Variants in ANKS1B observed in about 807,000 individuals in gnomAD.
ANKS1B encodes ankyrin repeat and sterile alpha motif domain-containing protein 1B.
ANKS1B carries 36 observed loss-of-function variants against 148.3 expected under a neutral mutation model. The ratio of observed to expected loss-of-function variants is 0.24; its 90% CI spans 0.19 to 0.32. The LOEUF (loss-of-function observed/expected upper bound fraction) is 0.32, where lower values mean the gene tolerates loss of function less well. Ranked by LOEUF, ANKS1B falls within the 10% of genes least tolerant of loss-of-function variation. The pLI is 1.00. For missense variants in ANKS1B, 1,157 were observed against 1,542.6 expected, an observed-to-expected ratio of 0.75 and a Z score of 4.19; for synonymous variants, 542 against 560.8, an observed-to-expected ratio of 0.97 and a Z score of 0.47.
intron 12 of ANKS1B, among the ~76,000 whole-genome samples, chr12:99,279,385 G>A (rs1416229636): frequency 6.6e-6 from 1 of 152,092 alleles, no homozygotes; most frequent in African/African-American, 2.4e-5. Flanking sequence ...TTAGAGAATT[G>A]TACAGCCACT....
chr12:99,366,579 G>T (rs1313304060), intron 12 of ANKS1B, among the ~76,000 whole-genome samples: 2 of 152,220 alleles, frequency 1.3e-5, no homozygotes, highest in Non-Finnish European at 2.9e-5. Context: ...GACAAAGTTG[G>T]CATCTCAAAT....
chr12:99,680,509 T>C (rs886457210), intron 8 of ANKS1B, among the ~76,000 whole-genome samples: 5 of 151,760 alleles, frequency 3.3e-5, no homozygotes, highest in Non-Finnish European at 7.4e-5. Flanking sequence ...TCTGACTTTA[T>C]CTCACAGGGG....
chr12:99,921,440 G>A (rs2094349591), intron 1 of ANKS1B, among the ~76,000 whole-genome samples: 2 of 152,054 alleles, frequency 1.3e-5, no homozygotes, highest in Admixed American at 6.6e-5. Context: ...CAGTCTCAGG[G>A]AAGTTATTTA....
At chr12:98,812,698 C>T (rs774492170) in intron 19 of ANKS1B, among the ~76,000 whole-genome samples, 2 of 151,956 alleles carry the variant, frequency 1.3e-5, no homozygotes, top group Non-Finnish European at 2.9e-5. Context: ...CTCAGCCACT[C>T]GAGAAGCTGG....
rs58248573 is a variant in ANKS1B at position 99,805,263 on chromosome 12, C to CAAAAAAAAAAAAAAAAAAAA, written c.669+1121_669+1140dup. Among the ~76,000 whole-genome samples, 13 of 28,914 alleles carry CAAAAAAAAAAAAAAAAAAAA rather than the reference C, an allele frequency of 4.5e-4. 1 individual carries two copies. Among genetic ancestry groups the CAAAAAAAAAAAAAAAAAAAA allele is most frequent in the Admixed American group, 5.9e-4 (1 of 1,682 alleles). 19.0% of individuals were successfully genotyped at this position (28,914 alleles called of 152,430 possible). A position where few individuals can be genotyped will look rare whatever the true frequency, so the allele number is the denominator to read the frequency against. On this transcript the variant is annotated intron_variant, in intron 4 of 26. Coordinates refer to ENST00000683438, the MANE Select transcript of ANKS1B (RefSeq NM_001352186.2). The stretch of plus-strand genomic sequence containing the variant: ...AAATAACCATGAAAGGAGGAAAAGG[C>CAAAAAAAAAAAAAAAAAAAA]AAAAAAAAAAAAAAAAAAAAAAAAA...
chr12:99,160,862 A>G (rs761669758), intron 14 of ANKS1B, among the ~76,000 whole-genome samples: 70 of 152,020 alleles, frequency 4.6e-4, no homozygotes, highest in Non-Finnish European at 7.8e-4. Flanking sequence ...GTGCGGCTTT[A>G]TATCTGGGTC....
intron 17 of ANKS1B, among the ~76,000 whole-genome samples, chr12:98,901,489 A>G (rs2099771963): frequency 6.6e-6 from 1 of 152,250 alleles, no homozygotes; most frequent in African/African-American, 2.4e-5. Context: ...CTTTTCAACC[A>G]TGTGAGTAAG....
chr12:99,770,689 C>A (rs563325154), intron 8 of ANKS1B, among the ~76,000 whole-genome samples: 40 of 151,660 alleles, frequency 2.6e-4, no homozygotes, highest in South Asian at 6.3e-4. Context: ...AAAAAAAAAA[C>A]CAAAATTCTT....
intron 1 of ANKS1B, among the ~76,000 whole-genome samples, chr12:99,859,520 T>G (rs1308056330): frequency 6.6e-6 from 1 of 152,248 alleles, no homozygotes; most frequent in Non-Finnish European, 1.5e-5. Flanking sequence ...AGTGTCTGAA[T>G]ATTCACTACA....
chr12:99,552,309 G>A (rs545363552), intron 9 of ANKS1B, among the ~76,000 whole-genome samples: 1 of 152,148 alleles, frequency 6.6e-6, no homozygotes, highest in Admixed American at 6.5e-5. Flanking sequence ...TGTCTATCAT[G>A]GTGTCTGGCA....
rs1468714451 is a variant in ANKS1B at position 99,246,466 on chromosome 12, T to C, written c.2155A>G (p.Ile719Val). Residue 719 changes from isoleucine to valine, a missense_variant, in exon 13 of 27, where the codon ATA (isoleucine) becomes GTA (valine). Physicochemically the swap from Ile to Val is conservative, Grantham distance 29. Coordinates refer to ENST00000683438, the MANE Select transcript of ANKS1B (RefSeq NM_001352186.2). ...ATCAAGGCTTTAGGCAATGACCTTA[T>C]TCTCCCCAGAGTACAGGCTCTCTCC... Reference protein sequence around the residue: ...FVERACTLGRIRSLPKALIDM... With the variant: ...FVERACTLGRVRSLPKALIDM... 1.2e-5 allele frequency: 19 copies of C among 1,613,784 alleles called. No individual in the cohort carries two copies. Among genetic ancestry groups the C allele is most frequent in the Non-Finnish European group, 1.5e-5 (18 of 1,179,864 alleles).
At chr12:99,926,278 T>C (rs184808780) in intron 1 of ANKS1B, among the ~76,000 whole-genome samples, 3 of 152,352 alleles carry the variant, frequency 2.0e-5, no homozygotes, top group Admixed American at 2.0e-4. Flanking sequence ...CTTGCGAAGG[T>C]TAATTTTATC....
intron 11 of ANKS1B, among the ~76,000 whole-genome samples, chr12:99,415,154 T>C (rs558499593): frequency 6.6e-6 from 1 of 152,304 alleles, no homozygotes; most frequent in East Asian, 1.9e-4. Flanking sequence ...TTTGTCCTCA[T>C]AGAAGCTTTC....
intron 12 of ANKS1B, among the ~76,000 whole-genome samples, chr12:99,390,784 C>T (rs1271339875): frequency 1.3e-5 from 2 of 152,182 alleles, no homozygotes; most frequent in African/African-American, 2.4e-5. Flanking sequence ...CCTGGAGCCT[C>T]CAGAAGGGGG....
intron 25 of ANKS1B, among the ~76,000 whole-genome samples, chr12:98,761,147 A>G (rs2098397053): frequency 6.6e-6 from 1 of 152,192 alleles, no homozygotes; most frequent in African/African-American, 2.4e-5. Flanking sequence ...TGCAGATCTG[A>G]CTTCAGATTA....
intron 15 of ANKS1B, among the ~76,000 whole-genome samples, chr12:99,098,498 C>T (rs1415152331): frequency 6.6e-6 from 1 of 151,908 alleles, no homozygotes; most frequent in Non-Finnish European, 1.5e-5. Context: ...TTTCTTTGTC[C>T]GTACAATGGG....
intron 12 of ANKS1B, among the ~76,000 whole-genome samples, chr12:99,276,689 A>G (rs1338950352): frequency 6.6e-6 from 1 of 152,230 alleles, no homozygotes; most frequent in African/African-American, 2.4e-5. Context: ...TAGTAAAAGT[A>G]TACACCATTT....
chr12:99,518,075 G>C (rs1334776535), intron 9 of ANKS1B, among the ~76,000 whole-genome samples: 1 of 152,102 alleles, frequency 6.6e-6, no homozygotes, highest in African/African-American at 2.4e-5. Context: ...AATCCCACTT[G>C]GTCATGATAA....
intron 4 of ANKS1B, among the ~76,000 whole-genome samples, chr12:99,799,177 T>A (rs904110955): frequency 3.9e-5 from 6 of 152,094 alleles, no homozygotes; most frequent in Non-Finnish European, 7.4e-5. Context: ...GATAAATGAA[T>A]TGATTACATG....
Sources: allele counts gnomAD v4.1 joint callset (sites outside exome capture counted in the v4.1 genomes callset), GRCh38; gene constraint gnomAD v4.1.1; transcripts MANE v1.5; gene names NCBI Gene and HGNC (gene_info 2026-07-23, HGNC 2026-07-21).